Variants in CDH6 observed in about 807,000 individuals in gnomAD.
CDH6 encodes the protein cadherin-6.
A neutral mutation model predicts 78.0 loss-of-function variants in CDH6; 31 were observed. The ratio of observed to expected loss-of-function variants is 0.40; its 90% CI spans 0.30 to 0.54. The LOEUF (loss-of-function observed/expected upper bound fraction) is 0.54, where lower values mean the gene tolerates loss of function less well. Ranked by LOEUF, CDH6 falls within the 20% of genes least tolerant of loss-of-function variation. The pLI is 0.56. For synonymous variants in CDH6, 376 were observed against 368.8 expected, an observed-to-expected ratio of 1.02 and a Z score of -0.23; for missense variants, 724 against 975.9, an observed-to-expected ratio of 0.74 and a Z score of 3.44.
chr5:31,199,685 G>GTGTATATATCTA, intron 1 of CDH6, among the ~76,000 whole-genome samples: 1 of 79,852 alleles, frequency 1.3e-5, no homozygotes, highest in African/African-American at 4.7e-5. Flanking sequence ...GTGTGTGTGT[G>GTGTATATATCTA]TATATATATA....
At chr5:31,235,937 G>T (rs1741442656) in intron 1 of CDH6, among the ~76,000 whole-genome samples, 1 of 151,974 alleles carries the variant, frequency 6.6e-6, no homozygotes, top group African/African-American at 2.4e-5. Flanking sequence ...AACCATATTT[G>T]TATTAATTTA....
intron 1 of CDH6, among the ~76,000 whole-genome samples, chr5:31,227,519 T>C (rs1741186031): frequency 6.6e-6 from 1 of 152,146 alleles, no homozygotes; most frequent in Non-Finnish European, 1.5e-5. Flanking sequence ...CCTGGCTTTT[T>C]CCCAGCGTTC....
chr5:31,285,543 T>C (rs944653560), intron 2 of CDH6, among the ~76,000 whole-genome samples: 1 of 152,244 alleles, frequency 6.6e-6, no homozygotes, highest in Non-Finnish European at 1.5e-5. Flanking sequence ...GTTTAGATGC[T>C]TTTATTCATT....
chr5:31,234,391 G>GT (rs1449295971), intron 1 of CDH6, among the ~76,000 whole-genome samples: 1 of 152,158 alleles, frequency 6.6e-6, no homozygotes, highest in African/African-American at 2.4e-5. Context: ...CATATATGGA[G>GT]TGTATGTCTG....
chr5:31,321,799 T>C (rs759049863), intron 11 of CDH6, among the ~76,000 whole-genome samples: 1 of 152,194 alleles, frequency 6.6e-6, no homozygotes, highest in African/African-American at 2.4e-5. Flanking sequence ...TACTGTGACT[T>C]CCTGTAATAC....
intron 2 of CDH6, among the ~76,000 whole-genome samples, chr5:31,270,085 A>G (rs115016061): frequency 2.1e-3 from 327 of 152,350 alleles, no homozygotes; most frequent in African/African-American, 7.3e-3. Flanking sequence ...ACATTTTTAA[A>G]AAAGATAAAG....
intron 1 of CDH6, among the ~76,000 whole-genome samples, chr5:31,212,654 A>G (rs113013105): frequency 1.3e-5 from 2 of 152,126 alleles, no homozygotes; most frequent in African/African-American, 4.8e-5. Context: ...GCCTGAGGGT[A>G]TTACTCTAAC....
At chr5:31,215,663 G>A (rs10038069) in intron 1 of CDH6, among the ~76,000 whole-genome samples, 52,006 of 151,796 alleles carry the variant, frequency 0.34, 9,289 homozygotes, top group Middle Eastern at 0.49. Flanking sequence ...GATGCAGGAC[G>A]GAATCAAGTC....
chr5:31,213,558 G>A (rs1318839213), intron 1 of CDH6, among the ~76,000 whole-genome samples: 2 of 152,124 alleles, frequency 1.3e-5, no homozygotes, highest in Non-Finnish European at 2.9e-5. Flanking sequence ...GCTTAAACAG[G>A]TTTATGCAGA....
chr5:31,295,402 C>A (rs1374854516), intron 3 of CDH6, among the ~76,000 whole-genome samples: 34 of 152,144 alleles, frequency 2.2e-4, no homozygotes, highest in Non-Finnish European at 1.2e-4. Flanking sequence ...CCACTCAGGG[C>A]AACTGTAACC....
rs994489248 is a variant in CDH6, at chr5:31,272,558, G to C, written c.228+4857G>C. On this transcript the variant is annotated intron_variant, in intron 2 of 11. Transcript: ENST00000265071. ...CACAGGTAGACGTAGATACAGATTAGATTTTGAAGACATAGGCATTCATTA... is the reference window on the plus strand; with the variant it reads ...CACAGGTAGACGTAGATACAGATTACATTTTGAAGACATAGGCATTCATTA... Among the ~76,000 whole-genome samples the C allele has an allele frequency of 1.5e-4, 23 of 152,300 alleles. 1 individual carries two copies. The East Asian group carries it at 4.4e-3, about 29-fold the overall frequency.
chr5:31,243,630 C>T (rs1357820191), intron 1 of CDH6, among the ~76,000 whole-genome samples: 1 of 152,152 alleles, frequency 6.6e-6, no homozygotes, highest in Admixed American at 6.5e-5. Context: ...CTGCTTGACA[C>T]TTCCCTCCCT....
chr5:31,302,842 AAGAAAGAAAG>A (rs1481837144), intron 6 of CDH6, among the ~76,000 whole-genome samples: 6 of 144,514 alleles, frequency 4.2e-5, no homozygotes, highest in Admixed American at 6.9e-5. Flanking sequence ...GAAAGAAAGA[AAGAAAGAAAG>A]AGAAAGAAAG....
chr5:31,293,069 C>A lies in CDH6; in HGVS notation c.229-893C>A, dbSNP rs74984610. Among the ~76,000 whole-genome samples, 838 of 151,904 alleles carry A rather than the reference C, an allele frequency of 5.5e-3. 8 individuals carry two copies. The highest frequency in any genetic ancestry group is 0.019 in the African/African-American group (807 of 41,436). On this transcript the variant is annotated intron_variant, in intron 2 of 11. Transcript: ENST00000265071. Reference sequence around the variant, plus strand: ...TTAGGATTCTCATCTTCTATTTCCACGGTATCCTTAGTATTCATTTAATTC... The same window carrying A: ...TTAGGATTCTCATCTTCTATTTCCAAGGTATCCTTAGTATTCATTTAATTC...
intron 1 of CDH6, among the ~76,000 whole-genome samples, chr5:31,199,442 A>ATACACACACATATGTGTATATATG (rs1740264185): frequency 2.5e-4 from 1 of 3,924 alleles, no homozygotes; most frequent in Non-Finnish European, 1.6e-3. Context: ...ATGTGTATAT[A>ATACACACACATATGTGTATATATG]TACACACACA....
chr5:31,297,544 T>G (rs2330700), intron 4 of CDH6, 136 bp downstream of exon 4: 318,033 of 612,516 alleles, frequency 0.52, 87,697 homozygotes, highest in East Asian at 0.58. Flanking sequence ...AATGATATAT[T>G]TGTAAACATG....
intron 1 of CDH6, among the ~76,000 whole-genome samples, chr5:31,228,812 G>A (rs1490119296): frequency 1.3e-5 from 2 of 152,200 alleles, no homozygotes; most frequent in African/African-American, 4.8e-5. Flanking sequence ...ACCTCCTGCT[G>A]TGTGGCCGGG....
intron 1 of CDH6, among the ~76,000 whole-genome samples, chr5:31,211,998 G>A (rs1198825578): frequency 6.6e-6 from 1 of 152,134 alleles, no homozygotes; most frequent in Non-Finnish European, 1.5e-5. Flanking sequence ...AGAAAAGGGG[G>A]TATCTCATCA....
At chr5:31,234,838 G>T (rs1438506401) in intron 1 of CDH6, among the ~76,000 whole-genome samples, 1 of 152,062 alleles carries the variant, frequency 6.6e-6, no homozygotes, top group African/African-American at 2.4e-5. Flanking sequence ...ATATGCATGT[G>T]TATATAGGTT....
Sources: allele counts gnomAD v4.1 joint callset (sites outside exome capture counted in the v4.1 genomes callset), GRCh38; gene constraint gnomAD v4.1.1; transcripts MANE v1.5; gene names NCBI Gene and HGNC (gene_info 2026-07-23, HGNC 2026-07-21).